The following PRKN variants were observed in gnomAD, a reference collection of about 807,000 sequenced individuals.
PRKN encodes E3 ubiquitin-protein ligase parkin.
A neutral mutation model predicts 59.5 loss-of-function variants in PRKN; 56 were observed. That is an observed-to-expected ratio of 0.94 (90% confidence interval 0.76 to 1.18). PRKN has a LOEUF of 1.18. Ranked by LOEUF, PRKN falls within the 50% of genes most tolerant of loss-of-function variation. PRKN has a pLI of 0.00. For synonymous variants in PRKN, 250 were observed against 222.1 expected (o/e 1.13, Z -1.12); for missense variants, 657 against 596.4 (o/e 1.10, Z -1.06).
chr6:162,287,698 C>T (rs1325735747), intron 2 of PRKN, among the ~76,000 whole-genome samples: 6 of 152,076 alleles, frequency 3.9e-5, no homozygotes, highest in Non-Finnish European at 8.8e-5. Context: ...TGGAAGACTT[C>T]TATTTAAATC....
rs558042466 is a variant in PRKN at position 162,530,447 on chromosome 6, A to C, written c.8-86974T>G. 9.2e-5 allele frequency among the ~76,000 whole-genome samples: 14 copies of C among 152,312 alleles called. No homozygotes were observed. The South Asian group carries it at 2.9e-3, about 32-fold the overall frequency. ...TAAAACAGTGTGGCCTAGTTGAAAG[A>C]CAAAGAATCTGAAGTGAGAAGTTCC... is the stretch of plus-strand genomic sequence containing the variant. On this transcript the variant is annotated intron_variant, in intron 1 of 11. Coordinates refer to ENST00000366898, the MANE Select transcript of PRKN (RefSeq NM_004562.3).
intron 6 of PRKN, among the ~76,000 whole-genome samples, chr6:161,850,623 G>GT (rs1175167776): frequency 4.8e-5 from 7 of 145,724 alleles, no homozygotes; most frequent in Non-Finnish European, 9.0e-5. Context: ...ATATCTAAAA[G>GT]TTTTTTTCTT....
rs1339574452 is a variant in PRKN at position 162,056,060 on chromosome 6, T to C, written c.535-1886A>G. 7.0e-6 allele frequency among the ~76,000 whole-genome samples: 1 copy of C among 143,736 alleles called. No individual in the cohort carries two copies. The highest frequency in any genetic ancestry group is 1.5e-5 in the Non-Finnish European group (1 of 65,814). 94.3% of individuals were successfully genotyped at this position (143,736 alleles called of 152,430 possible). On this transcript the variant is annotated intron_variant, in intron 4 of 11. Coordinates refer to ENST00000366898, the MANE Select transcript of PRKN (RefSeq NM_004562.3). This position sits in a 1 kb window ranked among gnomAD's most constrained non-coding sequence, Gnocchi z 4.9. ...ACCACACATGCATAAACACACCACATACATACACGTGCACACACATCCCAC... is the reference window on the plus strand; with the variant it reads ...ACCACACATGCATAAACACACCACACACATACACGTGCACACACATCCCAC...
chr6:161,635,656 CTT>C, intron 7 of PRKN, among the ~76,000 whole-genome samples: 1 of 152,256 alleles, frequency 6.6e-6, no homozygotes, highest in South Asian at 2.1e-4. Context: ...TATTTTGCTG[CTT>C]TTTTTCCTGG....
chr6:161,763,230 C>A (rs1583125295), intron 7 of PRKN, among the ~76,000 whole-genome samples: 3 of 152,084 alleles, frequency 2.0e-5, no homozygotes, highest in Admixed American at 1.3e-4. Context: ...AGCTTGTGAG[C>A]CGTGAGTTGG....
At position 162,681,739 on chromosome 6, in the gene PRKN, CTGAA is replaced by C. The variant is rs552803743; in HGVS notation, c.7+45919_7+45922del. Among the ~76,000 whole-genome samples, 10 of 152,252 alleles carry C rather than the reference CTGAA, an allele frequency of 6.6e-5. No homozygotes were observed. In the East Asian group the frequency reaches 1.9e-3, roughly 29 times the overall value. On this transcript the variant is annotated intron_variant, in intron 1 of 11. Coordinates refer to ENST00000366898, the MANE Select transcript of PRKN (RefSeq NM_004562.3). ...GACCTTTGTAACTTCATTTCAGCCT[CTGAA>C]TGGTCGTTTTCCAAGGTGAACACCA...
intron 5 of PRKN, among the ~76,000 whole-genome samples, chr6:162,032,757 C>G (rs1485023186): frequency 6.6e-6 from 1 of 152,126 alleles, no homozygotes; most frequent in African/African-American, 2.4e-5. Context: ...TTACAGAAAG[C>G]CCCATGAGAC....
chr6:161,870,879 T>G (rs949603776), intron 6 of PRKN, among the ~76,000 whole-genome samples: 2 of 152,094 alleles, frequency 1.3e-5, no homozygotes, highest in Non-Finnish European at 2.9e-5. Context: ...TCTGGGGAGT[T>G]AGGCTGGGAA....
chr6:162,113,339 C>G (rs1022213537), intron 4 of PRKN, among the ~76,000 whole-genome samples: 3 of 152,168 alleles, frequency 2.0e-5, no homozygotes, highest in Admixed American at 6.6e-5. Context: ...TCATTCATGG[C>G]AGATTTTTCA....
rs985812792 is a variant in PRKN, at chr6:161,425,236, T to G, written c.1084-38359A>C. ...GCTGAAACTCCCTCCTAGATTGAAC[T>G]GTACAGCCCACCAGCTTTCTACTGA... On this transcript the variant is annotated intron_variant, in intron 9 of 11. Transcript: ENST00000366898. Among the ~76,000 whole-genome samples, 4 of 152,170 alleles carry G rather than the reference T, an allele frequency of 2.6e-5. 1 individual carries two copies. Among genetic ancestry groups the G allele is most frequent in the African/African-American group, 9.7e-5 (4 of 41,430 alleles).
At chr6:161,541,547 G>A (rs1779614627) in intron 9 of PRKN, among the ~76,000 whole-genome samples, 1 of 152,216 alleles carries the variant, frequency 6.6e-6, no homozygotes, top group Non-Finnish European at 1.5e-5. Context: ...TTGGTCAGGT[G>A]CGGTGGCTCA....
At position 161,448,865 on chromosome 6, in the gene PRKN, A is replaced by C. The variant is rs962557821; in HGVS notation, c.1084-61988T>G. ...CAAATGAGTGGCACTATTATTTTAA[A>C]ATAAAAGCGTTCAAGGTAGAGGATG... On this transcript the variant is annotated intron_variant, in intron 9 of 11. Coordinates refer to ENST00000366898, the MANE Select transcript of PRKN (RefSeq NM_004562.3). This position sits in a 1 kb window ranked among gnomAD's most constrained non-coding sequence, Gnocchi z 5.1. 6.6e-6 allele frequency among the ~76,000 whole-genome samples: 1 copy of C among 152,178 alleles called. No individual in the cohort carries two copies. The highest frequency in any genetic ancestry group is 1.5e-5 in the Non-Finnish European group (1 of 68,032).
chr6:161,612,686 A>G (rs1390038464), intron 7 of PRKN, among the ~76,000 whole-genome samples: 1 of 135,908 alleles, frequency 7.4e-6, no homozygotes, highest in Non-Finnish European at 1.5e-5. Flanking sequence ...ATGCCGCTGC[A>G]CTCCAGCCTG....
chr6:162,359,075 A>C (rs56160347), intron 2 of PRKN, among the ~76,000 whole-genome samples: 1 of 101,144 alleles, frequency 9.9e-6, no homozygotes, highest in African/African-American at 5.4e-5. Flanking sequence ...AAAAAAAAAA[A>C]AAAAATATAT....
intron 7 of PRKN, among the ~76,000 whole-genome samples, chr6:161,677,776 T>C (rs940309452): frequency 1.3e-5 from 2 of 152,232 alleles, no homozygotes; most frequent in Non-Finnish European, 2.9e-5. Flanking sequence ...AATCTCAAGC[T>C]TGACTAACAT....
chr6:162,446,062 T>C lies in PRKN; in HGVS notation c.8-2589A>G, dbSNP rs1373153867. Among the ~76,000 whole-genome samples, 3 of 152,190 alleles carry C rather than the reference T, an allele frequency of 2.0e-5. No individual in the cohort carries two copies. In the East Asian group the frequency reaches 5.8e-4, roughly 29 times the overall value. ...AAAATACTAATTACGGAGGAAAAGG[T>C]GCTTTTGATACACTTTTAAGTCAAT... On this transcript the variant is annotated intron_variant, in intron 1 of 11. Transcript: ENST00000366898.
chr6:162,268,780 A>T (rs1361108655), intron 2 of PRKN, among the ~76,000 whole-genome samples: 1 of 152,074 alleles, frequency 6.6e-6, no homozygotes, highest in Non-Finnish European at 1.5e-5. Flanking sequence ...GGAAGTGGAG[A>T]CTTGGATGAG....
At chr6:162,321,833 T>C (rs1407000082) in intron 2 of PRKN, among the ~76,000 whole-genome samples, 1 of 151,872 alleles carries the variant, frequency 6.6e-6, no homozygotes. Context: ...CACAGCAAAT[T>C]AGGAAAAATA....
chr6:161,640,245 A>C (rs909055927), intron 7 of PRKN, among the ~76,000 whole-genome samples: 1 of 152,188 alleles, frequency 6.6e-6, no homozygotes, highest in African/African-American at 2.4e-5. Flanking sequence ...TTACTCCTAA[A>C]ATCAGCAAGA....
Sources: allele counts gnomAD v4.1 joint callset (sites outside exome capture counted in the v4.1 genomes callset), GRCh38; gene constraint gnomAD v4.1.1; non-coding constraint Gnocchi (gnomAD v3.1); transcripts MANE v1.5; gene names NCBI Gene and HGNC (gene_info 2026-07-23, HGNC 2026-07-21).